The following GNB4 variants were observed in gnomAD, a reference collection of about 807,000 sequenced individuals.
The protein encoded by GNB4 is G protein subunit beta 4.
Under a neutral mutation model 45.2 loss-of-function variants are expected in GNB4, and 28 were observed. That is an observed-to-expected ratio of 0.62 (90% confidence interval 0.46 to 0.85). The LOEUF is 0.85. Ranked by LOEUF, GNB4 falls within the 40% of genes least tolerant of loss-of-function variation. The pLI is 0.00. For missense variants in GNB4, 321 were observed against 425.4 expected, an observed-to-expected ratio of 0.75 and a Z score of 2.16; for synonymous variants, 132 against 143.7, an observed-to-expected ratio of 0.92 and a Z score of 0.58.
At chr3:179,422,926 G>A (rs1027874508) in intron 2 of GNB4, among the ~76,000 whole-genome samples, 5 of 152,160 alleles carry the variant, frequency 3.3e-5, no homozygotes, top group African/African-American at 1.2e-4. Context: ...CCGAGTAGCT[G>A]GGACTATAGG....
rs1376881475 is a variant in GNB4, at chr3:179,405,323, T to C, written c.783A>G (p.Leu261=). ...RLFDLRADQE[L]LLYSHDNIIC... ...TGATATTGTCATGAGAATACAATAA[T>C]AACTCTTGATCTGCACGAAGGTCAA... The change falls in exon 9 of 10, where the codon TTA becomes TTG. Residue 261 remains leucine, a synonymous_variant. Coordinates refer to ENST00000232564, the MANE Select transcript of GNB4 (RefSeq NM_021629.4). 7.4e-6 allele frequency: 12 copies of C among 1,613,982 alleles called. No individual in the cohort carries two copies. Among genetic ancestry groups the C allele is most frequent in the East Asian group, 2.2e-5 (1 of 44,900 alleles).
the GNB4 span, among the ~76,000 whole-genome samples, chr3:179,468,031 T>TTTAA: frequency 3.0e-5 from 2 of 67,284 alleles, no homozygotes; most frequent in African/African-American, 1.2e-4. Flanking sequence ...ATTTTGTTGA[T>TTTAA]AAAAATATAT....
At chr3:179,481,213 A>G in the GNB4 span, among the ~76,000 whole-genome samples, 2 of 152,222 alleles carry the variant, frequency 1.3e-5, no homozygotes, top group African/African-American at 4.8e-5. Context: ...CATGAGCTCC[A>G]TGGATGTAAA....
At chr3:179,445,014 C>T (rs1252337443) in intron 1 of GNB4, among the ~76,000 whole-genome samples, 1 of 151,676 alleles carries the variant, frequency 6.6e-6, no homozygotes, top group Non-Finnish European at 1.5e-5. Flanking sequence ...TGAGTCAAGC[C>T]ATTGCTAAGT....
the GNB4 span, among the ~76,000 whole-genome samples, chr3:179,501,572 G>A: frequency 4.0e-5 from 6 of 150,380 alleles, no homozygotes; most frequent in South Asian, 1.3e-3. Flanking sequence ...TGATCCACCC[G>A]CCTTGGCCTC....
At chr3:179,441,679 G>A (rs1200852386) in intron 1 of GNB4, among the ~76,000 whole-genome samples, 2 of 151,170 alleles carry the variant, frequency 1.3e-5, no homozygotes, top group Non-Finnish European at 2.9e-5. Flanking sequence ...TTGAACCCGG[G>A]AGGCAGAGGT....
chr3:179,478,532 G>A, the GNB4 span, among the ~76,000 whole-genome samples: 1 of 151,748 alleles, frequency 6.6e-6, no homozygotes, highest in Non-Finnish European at 1.5e-5. Context: ...TTGTTTTTTG[G>A]GTTTTTGTTT....
the GNB4 span, among the ~76,000 whole-genome samples, chr3:179,523,655 G>T: frequency 6.6e-6 from 1 of 152,122 alleles, no homozygotes; most frequent in Non-Finnish European, 1.5e-5. Context: ...TCCTTGTAAA[G>T]TGTGCTGTGG....
At chr3:179,425,678 C>T (rs1263016790) in intron 2 of GNB4, among the ~76,000 whole-genome samples, 1 of 152,124 alleles carries the variant, frequency 6.6e-6, no homozygotes. Flanking sequence ...ACCATGTTGG[C>T]CAGGCTGGTC....
chr3:179,459,247 G>T, the GNB4 span, among the ~76,000 whole-genome samples: 1 of 150,898 alleles, frequency 6.6e-6, no homozygotes, highest in Non-Finnish European at 1.5e-5. Flanking sequence ...CTGTGCAAAT[G>T]AAACTCCAGA....
In GNB4 at chr3:179,397,990, A is replaced by C. The variant is rs1252681128; in HGVS notation, c.*3223T>G. ...GTGATCCACCTGCCTCGGCCTCCCA[A>C]AGTGCTGGGATTACAGGTGTGAGCC... On this transcript the variant is annotated 3_prime_UTR_variant, in exon 10 of 10. Coordinates refer to ENST00000232564, the MANE Select transcript of GNB4 (RefSeq NM_021629.4). 6.6e-6 allele frequency: 1 copy of C among 151,810 alleles called. No individual in the cohort carries two copies. The highest frequency in any genetic ancestry group is 6.6e-5 in the Admixed American group (1 of 15,230). 9.4% of individuals were successfully genotyped at this position (151,810 alleles called of 1,614,324 possible).
At chr3:179,480,388 A>G in the GNB4 span, among the ~76,000 whole-genome samples, 1 of 152,192 alleles carries the variant, frequency 6.6e-6, no homozygotes, top group Non-Finnish European at 1.5e-5. Flanking sequence ...CCCCTGTAAT[A>G]ATGGCAATAA....
intron 1 of GNB4, among the ~76,000 whole-genome samples, chr3:179,429,069 C>A (rs977393691): frequency 6.6e-6 from 1 of 152,214 alleles, no homozygotes; most frequent in Non-Finnish European, 1.5e-5. Flanking sequence ...CTGTCCCAGA[C>A]CCGGGCCCTT....
chr3:179,476,846 A>G, the GNB4 span, among the ~76,000 whole-genome samples: 2 of 152,238 alleles, frequency 1.3e-5, no homozygotes, highest in African/African-American at 4.8e-5. Context: ...TTACAAGGTC[A>G]GCCTGAAGTT....
the GNB4 span, among the ~76,000 whole-genome samples, chr3:179,496,780 CA>C: frequency 6.6e-6 from 1 of 151,958 alleles, no homozygotes; most frequent in Admixed American, 6.6e-5. Context: ...ATCAATTTAT[CA>C]AAAGGATATA....
intron 6 of GNB4, among the ~76,000 whole-genome samples, 166 bp downstream of exon 6, chr3:179,414,719 T>TTGTA (rs1316180191): frequency 2.7e-5 from 4 of 145,904 alleles, no homozygotes; most frequent in African/African-American, 9.7e-5. Context: ...TGATCAACGT[T>TTGTA]TGTATGACTA....
chr3:179,498,795 G>A, the GNB4 span, among the ~76,000 whole-genome samples: 1 of 116,882 alleles, frequency 8.6e-6, no homozygotes, highest in East Asian at 2.8e-4. Context: ...ATTTTAAGTT[G>A]TGGTGTACAT....
the GNB4 span, among the ~76,000 whole-genome samples, chr3:179,465,608 C>T: frequency 1.3e-5 from 2 of 152,026 alleles, no homozygotes; most frequent in African/African-American, 2.4e-5. Flanking sequence ...TTTAAGCAGA[C>T]TTTCTGATTA....
chr3:179,437,648 A>G (rs888613767), intron 1 of GNB4: 4 of 152,214 alleles, frequency 2.6e-5, no homozygotes, highest in African/African-American at 9.6e-5. Flanking sequence ...TTCAGGTCAT[A>G]TAAGGTTTTG....
Sources: allele counts gnomAD v4.1 joint callset (sites outside exome capture counted in the v4.1 genomes callset), GRCh38; gene constraint gnomAD v4.1.1; transcripts MANE v1.5; gene names NCBI Gene and HGNC (gene_info 2026-07-23, HGNC 2026-07-21).